Variants in FGF14 observed in about 807,000 individuals in gnomAD.
The protein encoded by FGF14 is fibroblast growth factor homologous factor 4.
FGF14 carries 5 observed loss-of-function variants against 25.5 expected under a neutral mutation model. The ratio of observed to expected loss-of-function variants is 0.20; its 90% confidence interval spans 0.10 to 0.41. The LOEUF (loss-of-function observed/expected upper bound fraction) is 0.41. Among genes scored for constraint, FGF14 ranks in the 10% least tolerant of loss-of-function variants. The pLI, the probability that FGF14 is intolerant of heterozygous loss-of-function variation, is 1.00. For missense variants in FGF14, 222 were observed against 320.1 expected, an observed-to-expected ratio of 0.69 and a Z score of 2.34; for synonymous variants, 138 against 118.3, an observed-to-expected ratio of 1.17 and a Z score of -1.08.
chr13:102,116,378 G>C (rs2045471373), intron 1 of FGF14, among the ~76,000 whole-genome samples: 1 of 151,972 alleles, frequency 6.6e-6, no homozygotes, highest in South Asian at 2.1e-4. Context: ...GTAGTATAGT[G>C]TGTGTGTGCA....
chr13:102,091,133 A>G (rs2044145664), intron 1 of FGF14, among the ~76,000 whole-genome samples: 1 of 152,236 alleles, frequency 6.6e-6, no homozygotes, highest in Non-Finnish European at 1.5e-5. Context: ...GCAAATGCTT[A>G]GGTACAATTA....
chr13:101,990,895 A>T (rs2139671021), intron 1 of FGF14, among the ~76,000 whole-genome samples: 1 of 152,276 alleles, frequency 6.6e-6, no homozygotes, highest in Non-Finnish European at 1.5e-5. Flanking sequence ...CAAAGTTGTC[A>T]TGAGGGTTGA....
chr13:101,773,951 T>G (rs1385306927), intron 3 of FGF14, among the ~76,000 whole-genome samples: 1 of 151,056 alleles, frequency 6.6e-6, no homozygotes, highest in African/African-American at 2.4e-5. Flanking sequence ...AAGCATACAG[T>G]AGACACTCCA....
chr13:101,940,506 T>G (rs1277432627), intron 1 of FGF14, among the ~76,000 whole-genome samples: 2 of 152,212 alleles, frequency 1.3e-5, no homozygotes, highest in Non-Finnish European at 2.9e-5. Flanking sequence ...CCTTGAGGCT[T>G]TTGTACAAAT....
Position 101,908,073 on chromosome 13 carries a change from A to G in FGF14, c.193+8380T>C, listed in dbSNP as rs559376970. Among the ~76,000 whole-genome samples, 5 of 152,286 alleles carry G rather than the reference A, an allele frequency of 3.3e-5. No individual in the cohort carries two copies. The South Asian group carries it at 1.0e-3, about 32-fold the overall frequency. ...GGATATAGCTGAGAGTAGAAATGGG[A>G]GAGGAGACATAAGAGGTTTGAAGGG... On this transcript the variant is annotated intron_variant, in intron 1 of 4. Coordinates refer to ENST00000376143, the MANE Select transcript of FGF14 (RefSeq NM_004115.4).
At chr13:101,809,858 T>A (rs2041399341) in intron 3 of FGF14, among the ~76,000 whole-genome samples, 1 of 152,126 alleles carries the variant, frequency 6.6e-6, no homozygotes, top group Non-Finnish European at 1.5e-5. Context: ...AAGGTTTTTT[T>A]TCCATTATAA....
At chr13:102,253,923 T>C (rs184640185) in intron 1 of FGF14, among the ~76,000 whole-genome samples, 2 of 152,346 alleles carry the variant, frequency 1.3e-5, no homozygotes, top group Admixed American at 6.5e-5. Context: ...TTCCATTTCA[T>C]TGACACAAGT....
chr13:102,022,803 T>C (rs1426566161), intron 1 of FGF14, among the ~76,000 whole-genome samples: 2 of 152,106 alleles, frequency 1.3e-5, no homozygotes, highest in Non-Finnish European at 2.9e-5. Context: ...TAATAAACAT[T>C]GTATTCCGTG....
At chr13:102,044,425 G>A (rs2041887122) in intron 1 of FGF14, among the ~76,000 whole-genome samples, 1 of 151,860 alleles carries the variant, frequency 6.6e-6, no homozygotes, top group Admixed American at 6.6e-5. Context: ...TAAATTAGTA[G>A]TAGTCCATAA....
intron 1 of FGF14, among the ~76,000 whole-genome samples, chr13:102,339,160 C>T (rs1301222646): frequency 6.6e-6 from 1 of 151,956 alleles, no homozygotes; most frequent in Non-Finnish European, 1.5e-5. Context: ...GCAAATTTCA[C>T]ACCGCATGCC....
intron 1 of FGF14, among the ~76,000 whole-genome samples, chr13:101,990,906 T>C (rs1233592198): frequency 6.6e-6 from 1 of 152,114 alleles, no homozygotes; most frequent in Admixed American, 6.5e-5. Context: ...TGAGGGTTGA[T>C]AAAGGTAATT....
chr13:102,372,209 C>T (rs965535000), intron 1 of FGF14, among the ~76,000 whole-genome samples: 1 of 152,158 alleles, frequency 6.6e-6, no homozygotes, highest in African/African-American at 2.4e-5. Context: ...ACCTGCCCAA[C>T]ATCTAACCCC....
At chr13:102,006,010 A>G (rs1254012884) in intron 1 of FGF14, among the ~76,000 whole-genome samples, 1 of 152,230 alleles carries the variant, frequency 6.6e-6, no homozygotes. Flanking sequence ...AGTGTACATG[A>G]GCTGAAATTA....
intron 1 of FGF14, among the ~76,000 whole-genome samples, chr13:102,059,689 A>C (rs550826903): frequency 6.6e-6 from 1 of 152,106 alleles, no homozygotes; most frequent in Admixed American, 6.5e-5. Context: ...CGTCTCTACT[A>C]AAAATGCAAA....
rs1386573803 is a variant in FGF14, at chr13:101,879,241, C to A, written c.194-3945G>T. 2.0e-5 allele frequency among the ~76,000 whole-genome samples: 3 copies of A among 152,022 alleles called. No individual in the cohort carries two copies. In the East Asian group the frequency reaches 5.8e-4, roughly 29 times the overall value. The stretch of plus-strand genomic sequence containing the variant: ...TGTCTTTTATTTTCTATTTAGTGTG[C>A]CTGATAATTTTACTAAAAACGTTTT... On this transcript the variant is annotated intron_variant, in intron 1 of 4. Transcript: ENST00000376143.
rs1283624622 is a variant in FGF14, at chr13:102,249,780, T to A, written c.208+151691A>T. ...CCTAAGCAACAGTCTTGGGAAACTC[T>A]TTCACATCTCTTGAATTATTTGGTG... On this transcript the variant is annotated intron_variant, in intron 1 of 4. Coordinates refer to the FGF14 transcript ENST00000376131. Among the ~76,000 whole-genome samples, 3 of 152,180 alleles carry A rather than the reference T, an allele frequency of 2.0e-5. No homozygotes were observed. In the East Asian group the frequency reaches 5.8e-4, roughly 29 times the overall value.
At chr13:101,921,022 T>TA (rs201069718), upstream of FGF14, among the ~76,000 whole-genome samples, 1,445 of 151,988 alleles carry the variant, frequency 9.5e-3, 10 homozygotes, top group Non-Finnish European at 0.016. Flanking sequence ...TTGTTCCCTC[T>TA]ACCTGGAAAA....
At chr13:101,757,551 C>T (rs1410087715) in intron 3 of FGF14, among the ~76,000 whole-genome samples, 1 of 152,114 alleles carries the variant, frequency 6.6e-6, no homozygotes, top group African/African-American at 2.4e-5. Flanking sequence ...TCTCCTTCAC[C>T]TTGAGTAAAC....
At chr13:101,870,464 C>A (rs2044994302) in intron 2 of FGF14, among the ~76,000 whole-genome samples, 1 of 152,156 alleles carries the variant, frequency 6.6e-6, no homozygotes, top group African/African-American at 2.4e-5. Context: ...CCTCTTCTAA[C>A]TTTCACACAC....
Sources: allele counts gnomAD v4.1 joint callset (sites outside exome capture counted in the v4.1 genomes callset), GRCh38; gene constraint gnomAD v4.1.1; transcripts MANE v1.5; gene names NCBI Gene and HGNC (gene_info 2026-07-23, HGNC 2026-07-21).